CHIC2: variants seen among roughly 807,000 people sequenced by gnomAD.
CHIC2 encodes the protein cysteine rich hydrophobic domain 2, also known as cysteine-rich hydrophobic domain-containing protein 2.
A neutral mutation model predicts 25.9 loss-of-function variants in CHIC2; 14 were observed. That is an observed-to-expected ratio of 0.54 (90% confidence interval 0.36 to 0.85). The LOEUF (loss-of-function observed/expected upper bound fraction) is 0.85. CHIC2 is among the 40% of genes least tolerant of loss of function. The pLI, the probability that CHIC2 is intolerant of heterozygous loss-of-function variation, is 0.01. For synonymous variants in CHIC2, 70 were observed against 72.0 expected (o/e 0.97, Z 0.14); for missense variants, 146 against 202.0 (o/e 0.72, Z 1.68).
At chr4:54,019,201 T>C (rs759949485) in intron 3 of CHIC2, among the ~76,000 whole-genome samples, 1 of 152,148 alleles carries the variant, frequency 6.6e-6, no homozygotes, top group South Asian at 2.1e-4. Flanking sequence ...AATAATTATA[T>C]CACAGTATTA....
At position 54,012,381 on chromosome 4, in the gene CHIC2, AC is replaced by A. The variant is rs1021444259; in HGVS notation, c.447+1455del. On this transcript the variant is annotated intron_variant, in intron 5 of 5. Coordinates refer to ENST00000263921, the MANE Select transcript of CHIC2 (RefSeq NM_012110.4). ...AAATTCAAGGAAACTTATTTGACAA[AC>A]AAAGCATATAGTTCAGAATGTTTTG... 2.1e-4 allele frequency among the ~76,000 whole-genome samples: 32 copies of A among 152,298 alleles called. 1 individual carries two copies. Among genetic ancestry groups the A allele is most frequent in the African/African-American group, 7.7e-4 (32 of 41,584 alleles).
chr4:54,046,762 C>T (rs1716833401), intron 3 of CHIC2, among the ~76,000 whole-genome samples: 1 of 152,138 alleles, frequency 6.6e-6, no homozygotes. Context: ...GTCTAAAACA[C>T]CAAAAGCAAT....
chr4:54,030,546 A>G (rs979734951), intron 3 of CHIC2, among the ~76,000 whole-genome samples: 3 of 131,652 alleles, frequency 2.3e-5, no homozygotes, highest in Non-Finnish European at 4.8e-5. Flanking sequence ...AAATATATAT[A>G]TATATGTATA....
At chr4:54,062,574 C>T (rs889049167) in intron 1 of CHIC2, among the ~76,000 whole-genome samples, 3 of 152,106 alleles carry the variant, frequency 2.0e-5, no homozygotes, top group Admixed American at 1.3e-4. Context: ...AGCACTTTGC[C>T]CACTATTGCA....
At chr4:54,014,040 A>G (rs1335936931) in intron 4 of CHIC2, 23 bp downstream of exon 4, 1 of 1,612,066 alleles carries the variant, frequency 6.2e-7, no homozygotes, top group Non-Finnish European at 8.5e-7. Flanking sequence ...CAACAGTACG[A>G]AGCTGCTCCC....
the CHIC2 span, among the ~76,000 whole-genome samples, chr4:54,072,118 C>A: frequency 6.6e-6 from 1 of 151,952 alleles, no homozygotes. Flanking sequence ...CATGGTGAAA[C>A]TCCATCTCCA....
the CHIC2 span, among the ~76,000 whole-genome samples, chr4:54,075,359 G>A: frequency 2.0e-5 from 3 of 152,106 alleles, no homozygotes; most frequent in Non-Finnish European, 4.4e-5. Flanking sequence ...GTTACTGGAC[G>A]AATAACTTAG....
chr4:54,020,411 C>A (rs1013936727), intron 3 of CHIC2, among the ~76,000 whole-genome samples: 1 of 152,222 alleles, frequency 6.6e-6, no homozygotes, highest in East Asian at 1.9e-4. Context: ...TTTGCTGACT[C>A]TCTTTTTGGA....
At chr4:54,011,353 C>A (rs190373101) in intron 5 of CHIC2, among the ~76,000 whole-genome samples, 1 of 152,212 alleles carries the variant, frequency 6.6e-6, no homozygotes, top group East Asian at 1.9e-4. Context: ...ACTCTCCTGA[C>A]CTGTGATTTG....
chr4:54,085,482 G>A, the CHIC2 span, among the ~76,000 whole-genome samples: 959 of 152,274 alleles, frequency 6.3e-3, 17 homozygotes, highest in African/African-American at 0.021. Context: ...AATCCAAACA[G>A]AGTAATACAA....
intron 1 of CHIC2, chr4:54,060,181 T>C (rs1717288910): frequency 6.6e-6 from 1 of 151,550 alleles, no homozygotes. Flanking sequence ...GTTCTTGTGA[T>C]GTCTCTTATT....
the CHIC2 span, among the ~76,000 whole-genome samples, chr4:54,069,926 A>G: frequency 6.6e-6 from 1 of 152,226 alleles, no homozygotes; most frequent in African/African-American, 2.4e-5. Flanking sequence ...GTGAGCATGA[A>G]GTCCACTGGG....
intron 3 of CHIC2, among the ~76,000 whole-genome samples, chr4:54,047,705 C>T (rs1274341532): frequency 1.2e-4 from 18 of 151,020 alleles, no homozygotes; most frequent in Admixed American, 2.6e-4. Context: ...TGTTAAATGA[C>T]GAGTTAATGG....
At chr4:54,077,386 T>A in the CHIC2 span, among the ~76,000 whole-genome samples, 2 of 152,196 alleles carry the variant, frequency 1.3e-5, no homozygotes, top group Non-Finnish European at 2.9e-5. Flanking sequence ...TCTTCCAGTC[T>A]TTCTCCTTGC....
the CHIC2 span, among the ~76,000 whole-genome samples, chr4:54,088,324 A>G: frequency 2.0e-5 from 3 of 152,124 alleles, no homozygotes. Context: ...TTTGAGTCTA[A>G]TGCATGTTGT....
At chr4:54,017,175 C>T (rs1715762775) in intron 3 of CHIC2, among the ~76,000 whole-genome samples, 1 of 152,128 alleles carries the variant, frequency 6.6e-6, no homozygotes, top group Non-Finnish European at 1.5e-5. Context: ...TCAACAGTGT[C>T]GAACTCTACA....
At chr4:54,049,465 T>C (rs1399122629) in intron 1 of CHIC2, among the ~76,000 whole-genome samples, 160 bp from the exon 2 acceptor site, 9 of 152,196 alleles carry the variant, frequency 5.9e-5, no homozygotes, top group Non-Finnish European at 1.2e-4. Flanking sequence ...TAACAAGCAA[T>C]TTATGAAATG....
chr4:54,083,402 TAAAACTC>T, the CHIC2 span, among the ~76,000 whole-genome samples: 2 of 152,240 alleles, frequency 1.3e-5, no homozygotes, highest in African/African-American at 4.8e-5. Flanking sequence ...TTATAGCACT[TAAAACTC>T]AAAATGTTTA....
At chr4:54,042,068 CCT>C (rs1288329392) in intron 3 of CHIC2, among the ~76,000 whole-genome samples, 3 of 151,626 alleles carry the variant, frequency 2.0e-5, no homozygotes, top group African/African-American at 7.3e-5. Context: ...TTACAAAGCA[CCT>C]CTTTCTCCAG....
Sources: allele counts gnomAD v4.1 joint callset (sites outside exome capture counted in the v4.1 genomes callset), GRCh38; gene constraint gnomAD v4.1.1; transcripts MANE v1.5; gene names NCBI Gene and HGNC (gene_info 2026-07-23, HGNC 2026-07-21).